Variants in SH3RF3 observed in about 807,000 individuals in gnomAD.
The protein encoded by SH3RF3 is SH3 domain containing ring finger 3, also known as E3 ubiquitin-protein ligase SH3RF3.
Under a neutral mutation model 66.3 loss-of-function variants are expected in SH3RF3, and 29 were observed. The ratio of observed to expected loss-of-function variants is 0.44; its 90% CI spans 0.33 to 0.60. SH3RF3 has a LOEUF of 0.60. SH3RF3 is among the 20% of genes least tolerant of loss of function. The pLI is 0.04. For missense variants in SH3RF3, 1,194 were observed against 1,190.9 expected, an observed-to-expected ratio of 1.00 and a Z score of -0.04; for synonymous variants, 583 against 532.0, an observed-to-expected ratio of 1.10 and a Z score of -1.32.
intron 1 of SH3RF3, among the ~76,000 whole-genome samples, chr2:109,275,356 A>C (rs1680729264): frequency 6.6e-6 from 1 of 152,134 alleles, no homozygotes; most frequent in African/African-American, 2.4e-5. Flanking sequence ...TAACGTTGAT[A>C]AGTTGCTCAG....
chr2:109,405,304 C>T (rs1162215298), intron 4 of SH3RF3, among the ~76,000 whole-genome samples: 4 of 152,144 alleles, frequency 2.6e-5, no homozygotes, highest in South Asian at 4.1e-4. Flanking sequence ...CACCACTGTC[C>T]TTAGGTGCCC....
chr2:109,501,671 A>G lies in SH3RF3; in HGVS notation c.2649A>G (p.Ter883TrpextTer87). 1 of 760,246 alleles carries G rather than the reference A, an allele frequency of 1.3e-6. No homozygotes were observed. The highest frequency in any genetic ancestry group is 2.4e-6 in the Non-Finnish European group (1 of 408,638). The allele number at this position is 760,246 out of a possible 1,614,324, so 47.1% of individuals were successfully genotyped here. Residue 883 changes from the stop codon to tryptophan, a stop_lost, in exon 10 of 10, where the codon TGA becomes TGG. Coordinates refer to ENST00000309415, the MANE Select transcript of SH3RF3 (RefSeq NM_001099289.3). ...CGGGCAGCTTCGTCGAGAGCTTCTG[A>G]GAACTGGTGCTCCCTGCACCCAGCT... The part of the protein sequence containing the change: ...LFPGSFVESF[*>W]
intron 1 of SH3RF3, among the ~76,000 whole-genome samples, chr2:109,259,175 G>T (rs984575371): frequency 3.9e-5 from 6 of 152,250 alleles, no homozygotes; most frequent in African/African-American, 1.4e-4. Context: ...ACAAAAGCCG[G>T]GTTGAGGAAT....
At chr2:109,133,600 G>A (rs1426496247) in intron 1 of SH3RF3, among the ~76,000 whole-genome samples, 2 of 151,982 alleles carry the variant, frequency 1.3e-5, no homozygotes, top group African/African-American at 2.4e-5. Flanking sequence ...TGAATAGAGC[G>A]TCATTTAGAT....
At chr2:109,423,779 A>G (rs1190142780) in intron 5 of SH3RF3, among the ~76,000 whole-genome samples, 1 of 152,112 alleles carries the variant, frequency 6.6e-6, no homozygotes, top group Non-Finnish European at 1.5e-5. Context: ...TCAGGATATT[A>G]CAGACAGATG....
At chr2:109,155,788 T>A (rs534713132) in intron 1 of SH3RF3, among the ~76,000 whole-genome samples, 1 of 152,360 alleles carries the variant, frequency 6.6e-6, no homozygotes, top group East Asian at 1.9e-4. Flanking sequence ...CGTGCTGGTG[T>A]GTGTGAATAA....
intron 2 of SH3RF3, among the ~76,000 whole-genome samples, chr2:109,356,845 A>G (rs745601971): frequency 1.3e-5 from 2 of 152,098 alleles, no homozygotes; most frequent in Non-Finnish European, 2.9e-5. Context: ...ATGATGTCAA[A>G]GCTTAAAGAC....
chr2:109,301,181 G>A (rs980322826), intron 1 of SH3RF3, among the ~76,000 whole-genome samples: 7 of 152,318 alleles, frequency 4.6e-5, no homozygotes, highest in African/African-American at 1.4e-4. Context: ...AGTCAAGAGG[G>A]GGATTGCCCT....
chr2:109,357,414 C>A (rs945364227), intron 2 of SH3RF3, among the ~76,000 whole-genome samples: 1 of 152,186 alleles, frequency 6.6e-6, no homozygotes, highest in Non-Finnish European at 1.5e-5. Flanking sequence ...ATCTCCTGAC[C>A]TCGTGATCCA....
intron 1 of SH3RF3, among the ~76,000 whole-genome samples, chr2:109,279,306 T>TG (rs1368302612): frequency 1.3e-5 from 2 of 152,204 alleles, no homozygotes; most frequent in Non-Finnish European, 2.9e-5. Context: ...GCAAAGGGAT[T>TG]GCAGTGGCCA....
intron 1 of SH3RF3, among the ~76,000 whole-genome samples, chr2:109,231,420 G>A (rs1679513442): frequency 6.6e-6 from 1 of 152,198 alleles, no homozygotes; most frequent in South Asian, 2.1e-4. Context: ...CCTGGTTGGG[G>A]CAGGATGCTT....
At chr2:109,495,245 A>G (rs36180021) in intron 9 of SH3RF3, among the ~76,000 whole-genome samples, 12,454 of 152,254 alleles carry the variant, frequency 0.082, 654 homozygotes, top group African/African-American at 0.14. Flanking sequence ...GCAAATGCAC[A>G]TGGCATCAGG....
At chr2:109,249,520 T>TCTTTCC (rs55642247) in intron 1 of SH3RF3, among the ~76,000 whole-genome samples, 1 of 5,208 alleles carries the variant, frequency 1.9e-4, no homozygotes, top group Non-Finnish European at 3.5e-4. Flanking sequence ...ATTCTTTCTT[T>TCTTTCC]TTCTTTCTTT....
At chr2:109,288,251 C>T (rs1402984276) in intron 1 of SH3RF3, among the ~76,000 whole-genome samples, 2 of 152,240 alleles carry the variant, frequency 1.3e-5, no homozygotes, top group Non-Finnish European at 2.9e-5. Context: ...AAGTTAAAAA[C>T]CGAGAAGACT....
intron 1 of SH3RF3, among the ~76,000 whole-genome samples, chr2:109,230,684 G>A (rs551168200): frequency 6.6e-5 from 10 of 152,304 alleles, no homozygotes; most frequent in African/African-American, 1.7e-4. Flanking sequence ...TCAGAAAATC[G>A]TAAGTCGGGG....
At chr2:109,365,679 C>T (rs951102490) in intron 2 of SH3RF3, among the ~76,000 whole-genome samples, 2 of 152,128 alleles carry the variant, frequency 1.3e-5, no homozygotes, top group Non-Finnish European at 2.9e-5. Flanking sequence ...AACTAAAAGC[C>T]ACAGACACTG....
chr2:109,436,860 C>G, intron 6 of SH3RF3, 33 bp from the exon 7 acceptor site: 2 of 1,605,242 alleles, frequency 1.2e-6, no homozygotes, highest in South Asian at 2.2e-5. Context: ...CTCTGAGCCT[C>G]TCATCAGAAT....
Position 109,328,062 on chromosome 2 carries a change from C to T in SH3RF3, c.574-19612C>T, listed in dbSNP as rs537593385. Among the ~76,000 whole-genome samples the T allele has an allele frequency of 2.4e-4, 37 of 152,250 alleles. No individual in the cohort carries two copies. In the South Asian group the frequency reaches 7.0e-3, roughly 29 times the overall value. On this transcript the variant is annotated intron_variant, in intron 1 of 9. Transcript: ENST00000309415. The stretch of plus-strand genomic sequence containing the variant: ...TTGGGGAATCCTTTAAAGAAAATCC[C>T]AGGCATCATATTATTTTATCCTTCA...
chr2:109,240,692 G>A (rs368292659), intron 1 of SH3RF3, among the ~76,000 whole-genome samples: 2 of 152,112 alleles, frequency 1.3e-5, no homozygotes, highest in East Asian at 3.9e-4. Context: ...AGGTGAGAAT[G>A]CCTTCATCTT....
Sources: allele counts gnomAD v4.1 joint callset (sites outside exome capture counted in the v4.1 genomes callset), GRCh38; gene constraint gnomAD v4.1.1; transcripts MANE v1.5; gene names NCBI Gene and HGNC (gene_info 2026-07-23, HGNC 2026-07-21).